SENP5: variants seen among roughly 807,000 people sequenced by gnomAD.
SENP5 encodes SUMO specific peptidase 5.
Under a neutral mutation model 74.2 loss-of-function variants are expected in SENP5, and 21 were observed. That is an observed-to-expected ratio of 0.28 (90% CI 0.20 to 0.41). The LOEUF (loss-of-function observed/expected upper bound fraction) is 0.41, where lower values mean the gene tolerates loss of function less well. Ranked by LOEUF, SENP5 falls within the 10% of genes least tolerant of loss-of-function variation. SENP5 has a pLI of 1.00. For synonymous variants in SENP5, 311 were observed against 312.7 expected, an observed-to-expected ratio of 0.99 and a Z score of 0.06; for missense variants, 717 against 889.1, an observed-to-expected ratio of 0.81 and a Z score of 2.46.
intron 2 of SENP5, among the ~76,000 whole-genome samples, chr3:196,895,407 C>G (rs551201866): frequency 6.6e-6 from 1 of 151,800 alleles, no homozygotes; most frequent in East Asian, 1.9e-4. Flanking sequence ...AGGATGGTCT[C>G]GATCTCCTGA....
At chr3:196,917,648 A>T (rs1355942842) in intron 6 of SENP5, among the ~76,000 whole-genome samples, 1 of 152,256 alleles carries the variant, frequency 6.6e-6, no homozygotes, top group Non-Finnish European at 1.5e-5. Context: ...ACAGGCCAGG[A>T]GGGAGTGGCA....
At chr3:196,893,818 G>A (rs1714317215) in intron 2 of SENP5, among the ~76,000 whole-genome samples, 1 of 151,594 alleles carries the variant, frequency 6.6e-6, no homozygotes, top group South Asian at 2.1e-4. Context: ...GCTGAGACAG[G>A]AGAATTGCTT....
intron 1 of SENP5, among the ~76,000 whole-genome samples, chr3:196,877,332 C>T (rs1391029754): frequency 1.3e-5 from 2 of 152,016 alleles, no homozygotes; most frequent in African/African-American, 4.8e-5. Context: ...TACTGGTGCC[C>T]ACCACCACAC....
At chr3:196,896,386 T>C (rs138871164) in intron 2 of SENP5, among the ~76,000 whole-genome samples, 8 of 152,342 alleles carry the variant, frequency 5.3e-5, no homozygotes, top group Non-Finnish European at 1.0e-4. Context: ...TTCTACCATA[T>C]GCTAGTTAAG....
Position 196,885,996 on chromosome 3 carries a change from C to T in SENP5, c.815C>T (p.Thr272Ile), listed in dbSNP as rs752315360. Residue 272 changes from threonine (T) to isoleucine (I), a missense_variant, in exon 2 of 10, where the codon ACT becomes ATT. Thr to Ile is a moderately conservative substitution (Grantham distance 89). Transcript: ENST00000323460. ...CAGCGAAGCTGGGTACAGAAAGTCA[C>T]TGGGGACCATCAAGAGACCCGTAGG... ...KAQRSWVQKV[T>I]GDHQETRREN... is the part of the protein sequence containing the mutation. 9 of 1,614,094 alleles carry T rather than the reference C, an allele frequency of 5.6e-6. No individual in the cohort carries two copies. Among genetic ancestry groups the T allele is most frequent in the Non-Finnish European group, 7.6e-6 (9 of 1,180,050 alleles).
chr3:196,900,111 G>A (rs1159305138), intron 4 of SENP5, 49 bp downstream of exon 4: 1 of 1,578,172 alleles, frequency 6.3e-7, no homozygotes, highest in Non-Finnish European at 8.6e-7. Context: ...GAGGATGTTA[G>A]TCAATAAAAT....
chr3:196,908,089 T>C (rs1027860256), intron 6 of SENP5, among the ~76,000 whole-genome samples: 2 of 152,092 alleles, frequency 1.3e-5, no homozygotes, highest in Non-Finnish European at 2.9e-5. Flanking sequence ...CAAATCAGCC[T>C]AGGCAACCAA....
At chr3:196,881,341 A>G (rs1713719019) in intron 1 of SENP5, among the ~76,000 whole-genome samples, 2 of 152,186 alleles carry the variant, frequency 1.3e-5, no homozygotes, top group South Asian at 4.1e-4. Context: ...CTTCAGGTAA[A>G]TTCCTTAAAG....
At chr3:196,883,499 C>T (rs57722663) in intron 1 of SENP5, among the ~76,000 whole-genome samples, 28,121 of 152,056 alleles carry the variant, frequency 0.18, 3,435 homozygotes, top group Non-Finnish European at 0.24. Context: ...CTGGACTATC[C>T]TGGGTCATCC....
rs556053240 is a variant in SENP5 at position 196,931,432 on chromosome 3, A to G, written c.*509A>G. 1 of 155,446 alleles carries G rather than the reference A, an allele frequency of 6.4e-6. No individual in the cohort carries two copies. The highest frequency in any genetic ancestry group is 1.9e-4 in the East Asian group (1 of 5,396). 9.6% of individuals were successfully genotyped at this position (155,446 alleles called of 1,614,324 possible). On this transcript the variant is annotated 3_prime_UTR_variant, in exon 10 of 10. Coordinates refer to ENST00000323460, the MANE Select transcript of SENP5 (RefSeq NM_152699.5). ...ACTTTACCAGCGGCAACTTTCACCA[A>G]CTTCCCTCTCCAAGTGAGTCTTAGA... is the stretch of plus-strand genomic sequence containing the variant.
intron 2 of SENP5, among the ~76,000 whole-genome samples, chr3:196,893,191 C>T (rs1434333552): frequency 6.6e-6 from 1 of 152,200 alleles, no homozygotes; most frequent in African/African-American, 2.4e-5. Flanking sequence ...ACATTCAAGT[C>T]CTTTGCCTGC....
chr3:196,895,190 CTTTTTTTT>C (rs35820067), intron 2 of SENP5, among the ~76,000 whole-genome samples: 1 of 123,074 alleles, frequency 8.1e-6, no homozygotes, highest in African/African-American at 2.9e-5. Context: ...CTTTTAACTT[CTTTTTTTT>C]TTTTTTTTTT....
At chr3:196,909,742 G>T (rs1395544505) in intron 6 of SENP5, among the ~76,000 whole-genome samples, 1 of 152,064 alleles carries the variant, frequency 6.6e-6, no homozygotes, top group East Asian at 1.9e-4. Context: ...AATAAACTAG[G>T]TATTCATCAA....
At chr3:196,886,880 T>G (rs996425054) in intron 2 of SENP5, among the ~76,000 whole-genome samples, 186 bp downstream of exon 2, 1 of 152,216 alleles carries the variant, frequency 6.6e-6, no homozygotes, top group Non-Finnish European at 1.5e-5. Context: ...TGTAGACACT[T>G]GCATTGATTC....
chr3:196,891,245 A>T (rs1033916046), intron 2 of SENP5, among the ~76,000 whole-genome samples: 1 of 152,372 alleles, frequency 6.6e-6, no homozygotes, highest in African/African-American at 2.4e-5. Context: ...ATAGGCAAAT[A>T]CATAGAGATA....
chr3:196,877,786 C>T (rs919309213), intron 1 of SENP5, among the ~76,000 whole-genome samples: 2 of 152,124 alleles, frequency 1.3e-5, no homozygotes, highest in African/African-American at 2.4e-5. Flanking sequence ...CCCAGGTTGC[C>T]TTGGGCACAG....
chr3:196,876,154 A>T (rs1050047630), intron 1 of SENP5, among the ~76,000 whole-genome samples: 1 of 152,212 alleles, frequency 6.6e-6, no homozygotes, highest in Non-Finnish European at 1.5e-5. Context: ...GAGGTTCCCA[A>T]ACTTTCTCTG....
At chr3:196,924,768 C>T (rs60061787) in intron 7 of SENP5, among the ~76,000 whole-genome samples, 34,662 of 152,064 alleles carry the variant, frequency 0.23, 4,295 homozygotes, top group Admixed American at 0.24. Flanking sequence ...TGTATATGCA[C>T]ACAAGAATGA....
intron 1 of SENP5, among the ~76,000 whole-genome samples, chr3:196,880,973 A>G (rs1333421556): frequency 2.0e-5 from 3 of 150,380 alleles, no homozygotes; most frequent in Middle Eastern, 3.4e-3. Flanking sequence ...TTGAGATAGG[A>G]CATCACTCTG....
Sources: allele counts gnomAD v4.1 joint callset (sites outside exome capture counted in the v4.1 genomes callset), GRCh38; gene constraint gnomAD v4.1.1; transcripts MANE v1.5; gene names NCBI Gene and HGNC (gene_info 2026-07-23, HGNC 2026-07-21).